Variants in KBTBD8 observed in about 807,000 individuals in gnomAD.
KBTBD8 encodes the protein kelch repeat and BTB domain containing 8.
A neutral mutation model predicts 53.5 loss-of-function variants in KBTBD8; 31 were observed. The ratio of observed to expected loss-of-function variants is 0.58; its 90% CI spans 0.44 to 0.78. KBTBD8 has a LOEUF of 0.78. Among genes scored for constraint, KBTBD8 ranks in the 30% least tolerant of loss-of-function variants. KBTBD8 has a pLI of 0.00. For missense variants in KBTBD8, 642 were observed against 735.8 expected, an observed-to-expected ratio of 0.87 and a Z score of 1.48; for synonymous variants, 250 against 247.3, an observed-to-expected ratio of 1.01 and a Z score of -0.10.
rs1473451029 is a variant in KBTBD8, at chr3:67,009,004, AAGTTTTAAAGTGGC to A, written c.*626_*639del. ...TCCCATGTAATTTTAAGTTAAGCTA[AAGTTTTAAAGTGGC>A]AGTTTTCTGTCGATGACTTTTTCAA... On this transcript the variant is annotated 3_prime_UTR_variant, in exon 4 of 4. Transcript: ENST00000417314. The A allele has an allele frequency of 1.3e-5, 2 of 152,640 alleles. No individual in the cohort carries two copies. The highest frequency in any genetic ancestry group is 2.9e-5 in the Non-Finnish European group (2 of 68,038). 9.5% of individuals were successfully genotyped at this position (152,640 alleles called of 1,614,324 possible).
At chr3:67,005,038 CT>C (rs1269885435) in intron 3 of KBTBD8, among the ~76,000 whole-genome samples, 1 of 152,046 alleles carries the variant, frequency 6.6e-6, no homozygotes, top group African/African-American at 2.4e-5. Context: ...CTGTTAAGGA[CT>C]ACTACTTTGG....
At chr3:66,998,442 C>G (rs1701982172) in intron 1 of KBTBD8, 71 bp downstream of exon 1, 1 of 1,160,936 alleles carries the variant, frequency 8.6e-7, no homozygotes, top group African/African-American at 1.6e-5. Context: ...CGGCCACAGG[C>G]AGTGGGATGA....
chr3:67,008,591 T>C lies in KBTBD8; in HGVS notation c.*206T>C. ...TAAGGAAAAGATAACAAAGTGCAATTATCAGCATTTTTTTTTCCTGGCATA... is the reference window on the plus strand; with the variant it reads ...TAAGGAAAAGATAACAAAGTGCAATCATCAGCATTTTTTTTTCCTGGCATA... On this transcript the variant is annotated 3_prime_UTR_variant, in exon 4 of 4. Transcript: ENST00000417314. 1 of 503,304 alleles carries C rather than the reference T, an allele frequency of 2.0e-6. No individual in the cohort carries two copies. The highest frequency in any genetic ancestry group is 3.5e-6 in the Non-Finnish European group (1 of 285,602). The allele number at this position is 503,304 out of a possible 1,614,324, so 31.2% of individuals were successfully genotyped here. A position where few individuals can be genotyped will look rare whatever the true frequency, so the allele number is the denominator to read the frequency against.
intron 3 of KBTBD8, among the ~76,000 whole-genome samples, chr3:67,006,553 A>C (rs1258887581): frequency 6.6e-6 from 1 of 152,232 alleles, no homozygotes. Flanking sequence ...TTATTTATCG[A>C]GAATCCTGTT....
chr3:67,001,372 G>T (rs1702017355), intron 2 of KBTBD8, among the ~76,000 whole-genome samples: 1 of 152,280 alleles, frequency 6.6e-6, no homozygotes, highest in East Asian at 1.9e-4. Flanking sequence ...ATTGAAATTT[G>T]TATGATTATT....
At position 67,010,751 on chromosome 3, in the gene KBTBD8, G is replaced by A. The variant is rs970170885; in HGVS notation, c.*2366G>A. The A allele has an allele frequency of 7.2e-6, 1 of 137,966 alleles. No homozygotes were observed. Among genetic ancestry groups the A allele is most frequent in the Admixed American group, 7.2e-5 (1 of 13,936 alleles). 8.5% of individuals were successfully genotyped at this position (137,966 alleles called of 1,614,324 possible). A position where few individuals can be genotyped will look rare whatever the true frequency, so the allele number is the denominator to read the frequency against. On this transcript the variant is annotated 3_prime_UTR_variant, in exon 4 of 4. Transcript: ENST00000417314. ...TTTTCATAGTGTGGTAAGACCTTAA[G>A]TAAAAGGCACAATGGGTACTACAGA... is the stretch of plus-strand genomic sequence containing the variant.
rs1293459956 is a variant in KBTBD8, at chr3:67,003,879, G to A, written c.912G>A (p.Val304=). 1.2e-6 allele frequency: 2 copies of A among 1,614,162 alleles called. No individual in the cohort carries two copies. Among genetic ancestry groups the A allele is most frequent in the South Asian group, 1.1e-5 (1 of 91,074 alleles). ...AHKHSGKKQT[V]PCLDIVTGRV... The stretch of plus-strand genomic sequence containing the variant: ...AACACTCAGGAAAGAAGCAAACAGT[G>A]CCTTGTCTAGATATAGTCACAGGAA... The change falls in exon 3 of 4, where the codon GTG becomes GTA. Residue 304 remains valine, a synonymous_variant. Transcript: ENST00000417314.
rs772879371 is a variant in KBTBD8, at chr3:67,007,926, A to AT, written c.1353dup (p.Leu452SerfsTer4). 2.7e-6 allele frequency: 4 copies of AT among 1,479,432 alleles called. No individual in the cohort carries two copies. The highest frequency in any genetic ancestry group is 9.0e-7 in the Non-Finnish European group (1 of 1,110,810). The allele number at this position is 1,479,432 out of a possible 1,614,324, so 91.6% of individuals were successfully genotyped here. A position where few individuals can be genotyped will look rare whatever the true frequency, so the allele number is the denominator to read the frequency against. On this transcript the variant is annotated frameshift_variant, in exon 4 of 4. Transcript: ENST00000417314. LOFTEE classifies it high-confidence loss of function. ...TTTTCTTTTTTTTTTTTTTAGGAGA[A>AT]TTTTTTCTCTTCTATGAGCCTCAAA...
chr3:67,007,318 T>TG (rs1318115853), intron 3 of KBTBD8, among the ~76,000 whole-genome samples: 13 of 134,744 alleles, frequency 9.6e-5, no homozygotes, highest in African/African-American at 2.3e-4. Flanking sequence ...ATCAAGTTTG[T>TG]GTTTTTTTTT....
chr3:67,000,135 C>T (rs1323509180), intron 2 of KBTBD8, among the ~76,000 whole-genome samples: 1 of 152,168 alleles, frequency 6.6e-6, no homozygotes, highest in Admixed American at 6.5e-5. Flanking sequence ...GGGCACATAA[C>T]CATATAATGT....
intron 2 of KBTBD8, 124 bp from the exon 3 acceptor site, chr3:67,003,071 A>T (rs1702031097): frequency 2.0e-6 from 2 of 996,616 alleles, no homozygotes; most frequent in Admixed American, 2.3e-5. Context: ...AATATCAGGG[A>T]CTATTTTAGG....
intron 3 of KBTBD8, among the ~76,000 whole-genome samples, chr3:67,006,473 G>A (rs1396422306): frequency 6.6e-6 from 1 of 151,944 alleles, no homozygotes; most frequent in African/African-American, 2.4e-5. Context: ...TTGGTGTGTC[G>A]TCTTTACTTT....
chr3:67,004,043 A>C lies in KBTBD8; in HGVS notation c.1076A>C (p.Asp359Ala). 1 of 1,614,136 alleles carries C rather than the reference A, an allele frequency of 6.2e-7. No homozygotes were observed. Among genetic ancestry groups the C allele is most frequent in the Non-Finnish European group, 8.5e-7 (1 of 1,180,030 alleles). Residue 359 changes from aspartate to alanine, a missense_variant, in exon 3 of 4, where the codon GAT becomes GCT. Coordinates refer to ENST00000417314, the MANE Select transcript of KBTBD8 (RefSeq NM_032505.3). ...EVSIDHKAEN[D>A]FWMYDHSTNR... ...TCCATCGACCATAAGGCAGAAAATG[A>C]TTTCTGGATGTATGATCATTCCACC...
At chr3:66,998,593 A>T (rs1490910173) in intron 1 of KBTBD8, among the ~76,000 whole-genome samples, 1 of 152,016 alleles carries the variant, frequency 6.6e-6, no homozygotes, top group Non-Finnish European at 1.5e-5. Context: ...GCTGCGCCCC[A>T]GGAGGCAGCG....
Position 66,998,361 on chromosome 3 carries a change from C to G in KBTBD8, c.6C>G (p.Ala2=). ...AGTCGGGGCCCCATCGAGAAATGGC[C>G]GCGTCGGCAGGTGGGTCGTGTGGTG... is the stretch of plus-strand genomic sequence containing the variant. M[A]ASADLSKSSP... The change falls in exon 1 of 4, where the codon GCC becomes GCG. Residue 2 remains alanine (A), a synonymous_variant. Coordinates refer to ENST00000417314, the MANE Select transcript of KBTBD8 (RefSeq NM_032505.3). 1 of 1,279,588 alleles carries G rather than the reference C, an allele frequency of 7.8e-7. No homozygotes were observed. The highest frequency in any genetic ancestry group is 2.8e-5 in the South Asian group (1 of 35,916). The allele number at this position is 1,279,588 out of a possible 1,614,324, so 79.3% of individuals were successfully genotyped here.
At position 67,008,421 on chromosome 3, in the gene KBTBD8, A is replaced by C; in HGVS notation, c.*36A>C. On this transcript the variant is annotated 3_prime_UTR_variant, in exon 4 of 4. Transcript: ENST00000417314. Reference sequence around the variant, plus strand: ...GGCCTTAGTGCATCACTGGCATCTCATTCTTAGGAAACTTGTCTTTGATAC... The same window carrying C: ...GGCCTTAGTGCATCACTGGCATCTCCTTCTTAGGAAACTTGTCTTTGATAC... The C allele has an allele frequency of 2.4e-5, 34 of 1,392,562 alleles. No individual in the cohort carries two copies. Among genetic ancestry groups the C allele is most frequent in the Non-Finnish European group, 3.3e-5 (33 of 1,008,014 alleles). The allele number at this position is 1,392,562 out of a possible 1,614,324, so 86.3% of individuals were successfully genotyped here.
At chr3:66,998,909 CA>C in intron 1 of KBTBD8, 71 bp from the exon 2 acceptor site, 1 of 1,214,840 alleles carries the variant, frequency 8.2e-7, no homozygotes, top group Non-Finnish European at 1.2e-6. Flanking sequence ...AGCAGACACA[CA>C]AACAGAAAAA....
chr3:67,005,749 G>A (rs1242787976), intron 3 of KBTBD8, among the ~76,000 whole-genome samples: 71 of 150,488 alleles, frequency 4.7e-4, no homozygotes, highest in Non-Finnish European at 2.8e-4. Context: ...GATCTTGGCT[G>A]ACTTCAACCT....
chr3:67,001,138 C>T (rs914314374), intron 2 of KBTBD8, among the ~76,000 whole-genome samples: 3 of 151,944 alleles, frequency 2.0e-5, no homozygotes, highest in East Asian at 1.9e-4. Context: ...TCTGGGGATA[C>T]GATATGTGCA....
Sources: allele counts gnomAD v4.1 joint callset (sites outside exome capture counted in the v4.1 genomes callset), GRCh38; gene constraint gnomAD v4.1.1; transcripts MANE v1.5; gene names NCBI Gene and HGNC (gene_info 2026-07-23, HGNC 2026-07-21).